Variants in ANKFN1 observed in about 807,000 individuals in gnomAD.
The protein encoded by ANKFN1 is ankyrin repeat and fibronectin type-III domain-containing protein 1.
Under a neutral mutation model 108.7 loss-of-function variants are expected in ANKFN1, and 74 were observed. That is an observed-to-expected ratio of 0.68 (90% CI 0.56 to 0.83). The LOEUF (loss-of-function observed/expected upper bound fraction) is 0.83, where lower values mean the gene tolerates loss of function less well. Among genes scored for constraint, ANKFN1 ranks in the 40% least tolerant of loss-of-function variants. The pLI is 0.00. For missense variants in ANKFN1, 1,505 were observed against 1,382.3 expected, an observed-to-expected ratio of 1.09 and a Z score of -1.41; for synonymous variants, 547 against 516.2, an observed-to-expected ratio of 1.06 and a Z score of -0.81.
Position 56,052,492 on chromosome 17 carries a change from T to A in ANKFN1, c.288+6167T>A, listed in dbSNP as rs75322331. On this transcript the variant is annotated intron_variant, in intron 4 of 12. Transcript: ENST00000635860. ...AAGATAAGAGGCTTTTAAATGGTAG[T>A]ATTTAAGAAAGACATTAGGAGGACT... Among the ~76,000 whole-genome samples, 47 of 152,344 alleles carry A rather than the reference T, an allele frequency of 3.1e-4. 1 individual carries two copies. The East Asian group carries it at 8.9e-3, about 29-fold the overall frequency.
intron 4 of ANKFN1, among the ~76,000 whole-genome samples, chr17:56,105,739 G>GTA (rs36076573): frequency 2.0e-5 from 3 of 149,892 alleles, no homozygotes; most frequent in Non-Finnish European, 4.4e-5. Flanking sequence ...GTGTGTGTGT[G>GTA]TATGAGACAG....
chr17:56,179,800 C>T (rs1911517586), intron 1 of ANKFN1, among the ~76,000 whole-genome samples: 1 of 152,160 alleles, frequency 6.6e-6, no homozygotes, highest in Non-Finnish European at 1.5e-5. Context: ...AGAACAGAGC[C>T]TGGTGTTTAG....
upstream of ANKFN1, among the ~76,000 whole-genome samples, chr17:56,151,034 C>T (rs559451641): frequency 1.3e-5 from 2 of 152,246 alleles, no homozygotes; most frequent in South Asian, 4.1e-4. Context: ...GGACAAGGAC[C>T]TGACATGGGG....
chr17:56,058,600 CA>C (rs776604381), intron 4 of ANKFN1, among the ~76,000 whole-genome samples: 5 of 141,350 alleles, frequency 3.5e-5, no homozygotes, highest in Non-Finnish European at 6.1e-5. Context: ...CCCTACCCCC[CA>C]AAAGGCCCTG....
intron 1 of ANKFN1, among the ~76,000 whole-genome samples, chr17:56,206,197 T>C (rs1167126307): frequency 6.6e-6 from 1 of 152,200 alleles, no homozygotes; most frequent in Non-Finnish European, 1.5e-5. Flanking sequence ...TTTCCATTTA[T>C]AGTTTTGTCT....
rs958282077 is a variant in ANKFN1 at position 56,514,732 on chromosome 17, C to T, written c.*3463C>T. 1.3e-5 allele frequency among the ~76,000 whole-genome samples: 2 copies of T among 152,134 alleles called. No individual in the cohort carries two copies. Among genetic ancestry groups the T allele is most frequent in the African/African-American group, 4.8e-5 (2 of 41,408 alleles). On this transcript the variant is annotated 3_prime_UTR_variant, in exon 21 of 21. Coordinates refer to ENST00000682825, the MANE Select transcript of ANKFN1 (RefSeq NM_001370326.1). ...TTGAAGCAAGTTAGTAATAATATTT[C>T]GCCAGTCCTCTTTCCTGAAGGATCC...
chr17:56,183,150 C>G (rs534558282), intron 1 of ANKFN1, among the ~76,000 whole-genome samples: 2 of 152,288 alleles, frequency 1.3e-5, no homozygotes, highest in East Asian at 3.9e-4. Flanking sequence ...AGCATCCATT[C>G]TGCAACCCAT....
chr17:56,489,261 C>T (rs944616549), intron 18 of ANKFN1, among the ~76,000 whole-genome samples: 1 of 152,022 alleles, frequency 6.6e-6, no homozygotes, highest in Non-Finnish European at 1.5e-5. Flanking sequence ...TCATGTGGTC[C>T]AGCTAATGAC....
intron 1 of ANKFN1, among the ~76,000 whole-genome samples, chr17:56,201,405 C>T (rs867735001): frequency 1.3e-5 from 2 of 152,194 alleles, no homozygotes; most frequent in Middle Eastern, 3.2e-3. Context: ...GTCATAGTGG[C>T]CCATATCCTC....
At chr17:56,071,524 A>C (rs8070364) in intron 4 of ANKFN1, among the ~76,000 whole-genome samples, 104,710 of 152,080 alleles carry the variant, frequency 0.69, 36,528 homozygotes, top group Middle Eastern at 0.76. Flanking sequence ...TCCCTCCTTT[A>C]CATATCAACT....
At chr17:56,490,697 T>C (rs2051008036) in intron 18 of ANKFN1, among the ~76,000 whole-genome samples, 1 of 151,986 alleles carries the variant, frequency 6.6e-6, no homozygotes, top group South Asian at 2.1e-4. Context: ...CAGTTCTCTG[T>C]GTCAGGCAAA....
intron 4 of ANKFN1, among the ~76,000 whole-genome samples, chr17:56,097,384 G>A (rs758331838): frequency 2.6e-5 from 4 of 152,122 alleles, no homozygotes; most frequent in Non-Finnish European, 5.9e-5. Context: ...ATTCCAACTT[G>A]CCTTCCTCTT....
chr17:56,283,685 C>T (rs1200422663), intron 3 of ANKFN1, among the ~76,000 whole-genome samples: 1 of 151,872 alleles, frequency 6.6e-6, no homozygotes, highest in African/African-American at 2.4e-5. Flanking sequence ...GTGAGCTAAG[C>T]TATGAGGATG....
intron 4 of ANKFN1, among the ~76,000 whole-genome samples, chr17:56,145,858 C>T (rs1435667636): frequency 2.0e-5 from 3 of 152,142 alleles, no homozygotes; most frequent in African/African-American, 7.2e-5. Context: ...ACTAATTATG[C>T]CTTCCAAACA....
chr17:56,144,144 A>G (rs28497174), intron 4 of ANKFN1, among the ~76,000 whole-genome samples: 46,836 of 137,136 alleles, frequency 0.34, 8,748 homozygotes, highest in East Asian at 0.53. Flanking sequence ...TGACACAAAC[A>G]GAGGCGCATC....
At chr17:56,261,631 T>C (rs1228926577) in intron 3 of ANKFN1, among the ~76,000 whole-genome samples, 1 of 152,126 alleles carries the variant, frequency 6.6e-6, no homozygotes, top group Non-Finnish European at 1.5e-5. Context: ...GCTGAAGAAC[T>C]TGGAGTCCCA....
intron 3 of ANKFN1, among the ~76,000 whole-genome samples, chr17:56,255,880 A>G (rs2043345390): frequency 2.0e-5 from 3 of 152,178 alleles, no homozygotes; most frequent in Non-Finnish European, 2.9e-5. Context: ...CTCATTAGAG[A>G]TAGAAATTTG....
chr17:56,297,756 G>T (rs916190044), intron 3 of ANKFN1, among the ~76,000 whole-genome samples: 4 of 152,182 alleles, frequency 2.6e-5, no homozygotes. Context: ...AACCTTAGGT[G>T]TGCTTCTGTC....
At chr17:56,177,246 A>C (rs1482199482) in intron 1 of ANKFN1, among the ~76,000 whole-genome samples, 1 of 152,214 alleles carries the variant, frequency 6.6e-6, no homozygotes, top group Non-Finnish European at 1.5e-5. Context: ...CCAGAGCTAC[A>C]TGATCTTGCC....
Sources: gnomAD v4.1 joint callset for allele counts (sites outside exome capture counted in the v4.1 genomes callset) on GRCh38, gnomAD v4.1.1 for gene constraint, MANE v1.5 for transcripts, NCBI Gene and HGNC (gene_info 2026-07-23, HGNC 2026-07-21) for gene names.